The following TAB2 variants were observed in gnomAD, a reference collection of about 807,000 sequenced individuals.
TAB2 encodes the protein TGF-beta activated kinase 1 (MAP3K7) binding protein 2, also known as TGF-beta-activated kinase 1 and MAP3K7-binding protein 2.
In TAB2, 3 loss-of-function variants were observed where a neutral mutation model predicts 65.0. The observed-to-expected ratio is 0.05, with a 90% CI of 0.02 to 0.12. The LOEUF is 0.12. Ranked by LOEUF, TAB2 falls within the 10% of genes least tolerant of loss-of-function variation. The probability of loss-of-function intolerance (pLI) is 1.00; values close to 1 mark genes in which losing one functional copy is unlikely to be tolerated. For synonymous variants in TAB2, 298 were observed against 285.1 expected, an observed-to-expected ratio of 1.05 and a Z score of -0.46; for missense variants, 623 against 840.3, an observed-to-expected ratio of 0.74 and a Z score of 3.20.
At chr6:149,241,826 CA>C (rs1327442354) in intron 1 of TAB2, among the ~76,000 whole-genome samples, 1 of 152,204 alleles carries the variant, frequency 6.6e-6, no homozygotes, top group African/African-American at 2.4e-5. Flanking sequence ...TCTCTGAACA[CA>C]TACGAGTAGA....
At chr6:149,308,826 G>A (rs1379646304) in intron 1 of TAB2, among the ~76,000 whole-genome samples, 4 of 151,876 alleles carry the variant, frequency 2.6e-5, no homozygotes, top group African/African-American at 7.3e-5. Context: ...ACGTCCGGCC[G>A]ATATTTTCTT....
At chr6:149,314,455 T>C (rs973084772), upstream of TAB2, among the ~76,000 whole-genome samples, 9 of 152,328 alleles carry the variant, frequency 5.9e-5, no homozygotes, top group Middle Eastern at 3.4e-3. Flanking sequence ...CTCACAGATA[T>C]CGGTCCCTTT....
At chr6:149,260,328 C>T (rs998931874) in intron 1 of TAB2, among the ~76,000 whole-genome samples, 16 of 152,208 alleles carry the variant, frequency 1.1e-4, no homozygotes, top group Admixed American at 2.0e-4. Context: ...GAGCTGAAAG[C>T]CTGACCCACC....
At chr6:149,265,580 C>A (rs1778248415) in intron 1 of TAB2, among the ~76,000 whole-genome samples, 1 of 152,094 alleles carries the variant, frequency 6.6e-6, no homozygotes, top group Non-Finnish European at 1.5e-5. Flanking sequence ...AACCACTCAC[C>A]CCTTCAAGCA....
intron 1 of TAB2, among the ~76,000 whole-genome samples, chr6:149,248,378 C>A (rs946403977): frequency 3.9e-5 from 5 of 127,030 alleles, no homozygotes; most frequent in Non-Finnish European, 6.3e-5. Context: ...AGCGACAGAG[C>A]GAGACTATGT....
At chr6:149,230,375 C>G (rs1258266386) in intron 1 of TAB2, among the ~76,000 whole-genome samples, 3 of 152,202 alleles carry the variant, frequency 2.0e-5, no homozygotes, top group Non-Finnish European at 4.4e-5. Flanking sequence ...TGTGGACACC[C>G]CTAAGCTCCA....
At chr6:149,398,169 A>G (rs1465849442) in intron 5 of TAB2, 107 bp downstream of exon 5, 1 of 980,538 alleles carries the variant, frequency 1.0e-6, no homozygotes, top group African/African-American at 1.6e-5. Flanking sequence ...GTCTCAGAAC[A>G]TGTGGCTTTG....
At chr6:149,312,930 T>A (rs376314246), upstream of TAB2, among the ~76,000 whole-genome samples, 5 of 152,156 alleles carry the variant, frequency 3.3e-5, no homozygotes, top group African/African-American at 9.7e-5. Flanking sequence ...GCATAATAAA[T>A]CTCTTGAACT....
chr6:149,263,352 A>T (rs944337611), intron 1 of TAB2, among the ~76,000 whole-genome samples: 3 of 152,240 alleles, frequency 2.0e-5, no homozygotes, highest in African/African-American at 7.2e-5. Context: ...ATATCGAAAC[A>T]ATTTTTTTTA....
At chr6:149,392,196 A>G (rs1782011541) in intron 3 of TAB2, among the ~76,000 whole-genome samples, 1 of 151,870 alleles carries the variant, frequency 6.6e-6, no homozygotes, top group African/African-American at 2.4e-5. Flanking sequence ...ACTGGAGTGC[A>G]GTGACACAAT....
At chr6:149,358,638 C>CTGTGTGTGTG (rs1246116686) in intron 1 of TAB2, among the ~76,000 whole-genome samples, 1 of 12,372 alleles carries the variant, frequency 8.1e-5, no homozygotes, top group African/African-American at 1.8e-4. Flanking sequence ...CTCTTCAGAA[C>CTGTGTGTGTG]TCTGTGTGTG....
chr6:149,299,937 A>G (rs1778942190), intron 1 of TAB2, among the ~76,000 whole-genome samples: 1 of 152,082 alleles, frequency 6.6e-6, no homozygotes, highest in Non-Finnish European at 1.5e-5. Flanking sequence ...GAGCCCAGGA[A>G]TTTGAGGTTA....
chr6:149,349,466 AGTAAT>A (rs1780419491), intron 1 of TAB2, among the ~76,000 whole-genome samples: 1 of 151,244 alleles, frequency 6.6e-6, no homozygotes, highest in South Asian at 2.1e-4. Context: ...TTTTGAAATC[AGTAAT>A]GTGACTGGGT....
intron 1 of TAB2, among the ~76,000 whole-genome samples, chr6:149,347,697 C>G (rs1780349553): frequency 6.6e-6 from 1 of 151,842 alleles, no homozygotes; most frequent in Admixed American, 6.6e-5. Context: ...CATCATGCTC[C>G]AAGAAATATA....
At chr6:149,222,488 G>A (rs1777169390) in intron 1 of TAB2, among the ~76,000 whole-genome samples, 2 of 151,854 alleles carry the variant, frequency 1.3e-5, no homozygotes, top group South Asian at 4.2e-4. Flanking sequence ...CATGGTGGTG[G>A]GCACCTGTGG....
rs79807560 is a variant in TAB2, at chr6:149,378,686, T to C, written c.771T>C (p.Thr257=). ...AGCCTTCACAGCCTGGTCCCTGGAC[T>C]ACTTGTCCTGCATCTAATCCTCTGT... The part of the protein sequence containing the change: ...VYQPSQPGPW[T]TCPASNPLSH... Residue 257 remains threonine, a synonymous_variant, in exon 3 of 7, where the codon ACT becomes ACC. Transcript: ENST00000637181. 1.5e-4 allele frequency: 248 copies of C among 1,613,966 alleles called. 3 individuals carry two copies. In the East Asian group the frequency reaches 5.4e-3, roughly 35 times the overall value.
intron 1 of TAB2, among the ~76,000 whole-genome samples, chr6:149,360,161 A>G (rs1029937179): frequency 6.6e-6 from 1 of 151,908 alleles, no homozygotes; most frequent in African/African-American, 2.4e-5. Flanking sequence ...TGCATGTTAG[A>G]TTTTTACATC....
At chr6:149,218,375 G>C (rs1288932770), upstream of TAB2, among the ~76,000 whole-genome samples, 1 of 152,178 alleles carries the variant, frequency 6.6e-6, no homozygotes, top group Non-Finnish European at 1.5e-5. Flanking sequence ...AGGAAAAAAA[G>C]ATTTATTAAA....
chr6:149,229,438 T>A (rs1777356999), intron 1 of TAB2, among the ~76,000 whole-genome samples: 1 of 152,072 alleles, frequency 6.6e-6, no homozygotes, highest in Admixed American at 6.5e-5. Flanking sequence ...GTGTAATTTT[T>A]TTCTTTTATT....
Sources: allele counts gnomAD v4.1 joint callset (sites outside exome capture counted in the v4.1 genomes callset), GRCh38; gene constraint gnomAD v4.1.1; transcripts MANE v1.5; gene names NCBI Gene and HGNC (gene_info 2026-07-23, HGNC 2026-07-21).